Variants in LARGE1 observed in about 807,000 individuals in gnomAD.
The protein encoded by LARGE1 is LARGE xylosyl- and glucuronyltransferase 1.
LARGE1 carries 43 observed loss-of-function variants against 87.6 expected under a neutral mutation model. That is an observed-to-expected ratio of 0.49 (90% CI 0.38 to 0.63). The LOEUF is 0.63. Among genes scored for constraint, LARGE1 ranks in the 30% least tolerant of loss-of-function variants. The probability of loss-of-function intolerance (pLI) is 0.00; values close to 1 mark genes in which losing one functional copy is unlikely to be tolerated. For missense variants in LARGE1, 802 were observed against 1,000.2 expected (o/e 0.80, Z 2.67); for synonymous variants, 434 against 394.6 (o/e 1.10, Z -1.18).
intron 6 of LARGE1, among the ~76,000 whole-genome samples, chr22:33,510,724 T>C (rs758358886): frequency 1.3e-5 from 2 of 152,182 alleles, no homozygotes; most frequent in African/African-American, 2.4e-5. Flanking sequence ...TACAGGTGCA[T>C]GCCACCGTGC....
chr22:33,740,551 G>T (rs572742486), intron 2 of LARGE1, among the ~76,000 whole-genome samples: 2 of 152,296 alleles, frequency 1.3e-5, no homozygotes, highest in East Asian at 3.9e-4. Context: ...TAATCTTAGT[G>T]TCTTTCTCGG....
At chr22:33,378,948 TG>T (rs1203405670) in intron 9 of LARGE1, among the ~76,000 whole-genome samples, 1 of 152,046 alleles carries the variant, frequency 6.6e-6, no homozygotes, top group Non-Finnish European at 1.5e-5. Flanking sequence ...GGATGCAACT[TG>T]GGAACAGCCA....
chr22:33,693,648 C>G (rs150534435), intron 2 of LARGE1, among the ~76,000 whole-genome samples: 1,951 of 152,016 alleles, frequency 0.013, 39 homozygotes, highest in African/African-American at 0.044. Context: ...CATGGTGAAA[C>G]CCCGTCTCTA....
chr22:33,814,690 G>A (rs567820165), intron 1 of LARGE1, among the ~76,000 whole-genome samples: 2 of 151,402 alleles, frequency 1.3e-5, no homozygotes, highest in Admixed American at 6.6e-5. Context: ...TTAGCCCTAC[G>A]ATCACATAAG....
the LARGE1 span, among the ~76,000 whole-genome samples, chr22:33,116,948 C>G: frequency 6.6e-6 from 1 of 152,158 alleles, no homozygotes. Context: ...AAGGTCACAA[C>G]TAATCTTTGT....
chr22:33,765,227 C>T (rs2145764803), intron 1 of LARGE1, among the ~76,000 whole-genome samples: 2 of 152,272 alleles, frequency 1.3e-5, no homozygotes, highest in South Asian at 4.1e-4. Flanking sequence ...GAGGCAAAAA[C>T]ACCTCAGGCT....
intron 13 of LARGE1, among the ~76,000 whole-genome samples, chr22:33,281,232 G>C (rs1000078145): frequency 6.6e-6 from 1 of 152,070 alleles, no homozygotes; most frequent in Non-Finnish European, 1.5e-5. Context: ...ATGAGTTCTC[G>C]GTTCACTGTG....
intron 7 of LARGE1, among the ~76,000 whole-genome samples, chr22:33,403,035 C>T (rs2065975935): frequency 6.6e-6 from 1 of 150,538 alleles, no homozygotes; most frequent in Non-Finnish European, 1.5e-5. Context: ...ACTTACAGGG[C>T]TATGGCTGTA....
chr22:33,141,161 T>G, the LARGE1 span, among the ~76,000 whole-genome samples: 1 of 143,450 alleles, frequency 7.0e-6, no homozygotes, highest in African/African-American at 2.8e-5. Context: ...GGTCAAGTTA[T>G]TCTCAGAATC....
At chr22:33,360,747 A>G (rs2064358810) in intron 9 of LARGE1, among the ~76,000 whole-genome samples, 1 of 149,574 alleles carries the variant, frequency 6.7e-6, no homozygotes, top group Admixed American at 6.6e-5. Context: ...AATGCTATAT[A>G]AACTGCGTGA....
rs552785159 is a variant in LARGE1, at chr22:33,248,662, T to A, written c.1730+55567A>T. On this transcript the variant is annotated intron_variant, in intron 11 of 11. Transcript: ENST00000608642. ...AATGTATAATGACATGTATCCACCA[T>A]TATAGTATCATACAGAGTATTTCCA... Among the ~76,000 whole-genome samples the A allele has an allele frequency of 7.9e-5, 12 of 152,330 alleles. No individual in the cohort carries two copies. In the South Asian group the frequency reaches 2.5e-3, roughly 32 times the overall value.
chr22:33,170,190 G>A (rs1922489242), intron 11 of LARGE1, among the ~76,000 whole-genome samples: 1 of 151,916 alleles, frequency 6.6e-6, no homozygotes, highest in South Asian at 2.1e-4. Flanking sequence ...CCAACATGAT[G>A]AATCCCCATC....
chr22:33,318,888 T>C (rs150851970), intron 10 of LARGE1, among the ~76,000 whole-genome samples: 168 of 152,036 alleles, frequency 1.1e-3, no homozygotes, highest in African/African-American at 3.8e-3. Flanking sequence ...CTGAATACCA[T>C]AGAATGTTTT....
At chr22:33,917,026 A>T (rs1427370506) in intron 1 of LARGE1, among the ~76,000 whole-genome samples, 1 of 152,220 alleles carries the variant, frequency 6.6e-6, no homozygotes, top group East Asian at 1.9e-4. Flanking sequence ...CTAAATGTGC[A>T]CTACACGTAT....
At chr22:33,551,212 CAA>C (rs1395040942) in intron 6 of LARGE1, among the ~76,000 whole-genome samples, 1 of 152,110 alleles carries the variant, frequency 6.6e-6, no homozygotes, top group Non-Finnish European at 1.5e-5. Flanking sequence ...TAAAAACACA[CAA>C]AGACATATAC....
chr22:33,867,080 A>T (rs1464433467), intron 1 of LARGE1, among the ~76,000 whole-genome samples: 1 of 152,226 alleles, frequency 6.6e-6, no homozygotes, highest in Non-Finnish European at 1.5e-5. Context: ...ATGGATGGAT[A>T]GATGAATGAA....
At chr22:33,364,642 C>T (rs2064518682) in intron 9 of LARGE1, among the ~76,000 whole-genome samples, 2 of 152,126 alleles carry the variant, frequency 1.3e-5, no homozygotes, top group South Asian at 4.2e-4. Context: ...TTAAATAATA[C>T]AGTATTTGTC....
chr22:33,440,806 G>T (rs913147475), intron 6 of LARGE1, among the ~76,000 whole-genome samples: 1 of 152,240 alleles, frequency 6.6e-6, no homozygotes, highest in South Asian at 2.1e-4. Context: ...CTGAACCTGT[G>T]TGTTTCACAG....
intron 12 of LARGE1, among the ~76,000 whole-genome samples, chr22:33,301,390 G>A (rs1420146290): frequency 2.0e-5 from 3 of 152,086 alleles, no homozygotes; most frequent in African/African-American, 7.2e-5. Flanking sequence ...GCAGCCTGAA[G>A]GCATATTTTG....
Sources: allele counts gnomAD v4.1 joint callset (sites outside exome capture counted in the v4.1 genomes callset), GRCh38; gene constraint gnomAD v4.1.1; transcripts MANE v1.5; gene names NCBI Gene and HGNC (gene_info 2026-07-23, HGNC 2026-07-21).